The following GRIK2 variants were observed in gnomAD, a reference collection of about 807,000 sequenced individuals.
The protein encoded by GRIK2 is glutamate ionotropic receptor kainate type subunit 2, also known as glutamate receptor ionotropic, kainate 2.
Under a neutral mutation model 100.3 loss-of-function variants are expected in GRIK2, and 32 were observed. The ratio of observed to expected loss-of-function variants is 0.32; its 90% CI spans 0.24 to 0.43. The LOEUF (loss-of-function observed/expected upper bound fraction) is 0.43, where lower values mean the gene tolerates loss of function less well. Ranked by LOEUF, GRIK2 falls within the 20% of genes least tolerant of loss-of-function variation. The probability of loss-of-function intolerance (pLI) is 1.00; values close to 1 mark genes in which losing one functional copy is unlikely to be tolerated. For synonymous variants in GRIK2, 417 were observed against 389.4 expected (o/e 1.07, Z -0.83); for missense variants, 843 against 1,114.9 (o/e 0.76, Z 3.47).
chr6:101,598,027 G>C (rs916381158), intron 2 of GRIK2, among the ~76,000 whole-genome samples: 1 of 151,676 alleles, frequency 6.6e-6, no homozygotes, highest in Non-Finnish European at 1.5e-5. Context: ...CCCACACAAA[G>C]ACATCAGTTA....
intron 2 of GRIK2, among the ~76,000 whole-genome samples, chr6:101,564,319 A>C (rs1777154329): frequency 6.6e-6 from 1 of 152,216 alleles, no homozygotes; most frequent in Non-Finnish European, 1.5e-5. Context: ...CTCTTTGAAC[A>C]CTTCTGTAAA....
chr6:101,566,254 A>G (rs1582730183), intron 2 of GRIK2, among the ~76,000 whole-genome samples: 1 of 151,986 alleles, frequency 6.6e-6, no homozygotes, highest in African/African-American at 2.4e-5. Context: ...GTGTGATCAT[A>G]ATACATATGA....
At chr6:101,871,027 A>G (rs1286846226) in intron 11 of GRIK2, among the ~76,000 whole-genome samples, 1 of 151,888 alleles carries the variant, frequency 6.6e-6, no homozygotes, top group Admixed American at 6.6e-5. Flanking sequence ...CGTACTTCAA[A>G]TGAGATTTGA....
At chr6:101,518,526 CAGAT>C (rs147510777) in intron 2 of GRIK2, among the ~76,000 whole-genome samples, 14,384 of 152,016 alleles carry the variant, frequency 0.095, 753 homozygotes, top group Admixed American at 0.14. Context: ...CTATGTGAAA[CAGAT>C]AGTAATATTA....
At chr6:101,925,919 G>T (rs1789858343) in intron 13 of GRIK2, among the ~76,000 whole-genome samples, 1 of 151,830 alleles carries the variant, frequency 6.6e-6, no homozygotes, top group Non-Finnish European at 1.5e-5. Context: ...ATAACTACAT[G>T]TCAAAAGAAA....
chr6:101,941,701 A>T (rs1191186687), intron 14 of GRIK2, among the ~76,000 whole-genome samples: 1 of 152,172 alleles, frequency 6.6e-6, no homozygotes, highest in Non-Finnish European at 1.5e-5. Context: ...TTAGTTTGTT[A>T]CAAAGTTGTA....
At chr6:101,707,576 ATG>A (rs56168617) in intron 7 of GRIK2, among the ~76,000 whole-genome samples, 87,969 of 125,110 alleles carry the variant, frequency 0.7, 30,912 homozygotes, top group Non-Finnish European at 0.77. Context: ...ATATATGTGT[ATG>A]TGTGTGTGTG....
chr6:102,058,159 G>T (rs950989925), intron 16 of GRIK2, among the ~76,000 whole-genome samples: 2 of 151,686 alleles, frequency 1.3e-5, no homozygotes, highest in African/African-American at 4.8e-5. Context: ...TTCACGCTGC[G>T]AACCCCTAAG....
intron 2 of GRIK2, among the ~76,000 whole-genome samples, chr6:101,471,960 T>C (rs1771969116): frequency 6.6e-6 from 1 of 151,384 alleles, no homozygotes; most frequent in Non-Finnish European, 1.5e-5. Flanking sequence ...TGTCCATAAA[T>C]TTTTTTCTTC....
chr6:101,986,691 A>T (rs1031507305), intron 14 of GRIK2, among the ~76,000 whole-genome samples: 42 of 151,960 alleles, frequency 2.8e-4, no homozygotes, highest in African/African-American at 9.4e-4. Context: ...TTATGTCTAC[A>T]CCTGATTATG....
At chr6:101,722,461 T>C (rs1480107767) in intron 7 of GRIK2, among the ~76,000 whole-genome samples, 11 of 152,104 alleles carry the variant, frequency 7.2e-5, no homozygotes, top group Non-Finnish European at 5.9e-5. Flanking sequence ...CTTACGTCTT[T>C]CACAATTTTT....
intron 16 of GRIK2, among the ~76,000 whole-genome samples, chr6:102,065,404 G>A (rs1247635904): frequency 6.6e-6 from 1 of 151,262 alleles, no homozygotes; most frequent in Admixed American, 6.6e-5. Context: ...GTAGTCTGAA[G>A]TAAGTATGGG....
Position 101,966,522 on chromosome 6 carries a change from C to A in GRIK2, c.2085+37890C>A, listed in dbSNP as rs1196444773. 2.6e-5 allele frequency among the ~76,000 whole-genome samples: 4 copies of A among 152,148 alleles called. No homozygotes were observed. The East Asian group carries it at 7.7e-4, about 29-fold the overall frequency. On this transcript the variant is annotated intron_variant, in intron 14 of 16. Transcript: ENST00000369134. ...ATTCTAATTAATTATTTGTTCAGAT[C>A]TTAACTTTTATAACAGGATATGTTG... is the stretch of plus-strand genomic sequence containing the variant.
chr6:101,519,584 A>G (rs1162469251), intron 2 of GRIK2, among the ~76,000 whole-genome samples: 1 of 151,996 alleles, frequency 6.6e-6, no homozygotes, highest in Non-Finnish European at 1.5e-5. Flanking sequence ...ATATTTTCTA[A>G]TTAAGTCCCA....
intron 4 of GRIK2, among the ~76,000 whole-genome samples, chr6:101,664,967 C>T (rs971933848): frequency 6.6e-6 from 1 of 152,174 alleles, no homozygotes; most frequent in Non-Finnish European, 1.5e-5. Context: ...GATTCAATTA[C>T]CTCCCACTGG....
chr6:101,559,167 A>G (rs1435787499), intron 2 of GRIK2, among the ~76,000 whole-genome samples: 1 of 152,106 alleles, frequency 6.6e-6, no homozygotes, highest in Non-Finnish European at 1.5e-5. Context: ...TAAGTATTTT[A>G]ATGATTATTT....
intron 14 of GRIK2, among the ~76,000 whole-genome samples, chr6:102,032,341 A>G (rs766890388): frequency 6.6e-6 from 1 of 151,238 alleles, no homozygotes; most frequent in Non-Finnish European, 1.5e-5. Flanking sequence ...AAGAATTTAC[A>G]ATTACAAGAA....
chr6:101,888,455 TTTTA>T (rs141463780), intron 11 of GRIK2, among the ~76,000 whole-genome samples: 2 of 152,284 alleles, frequency 1.3e-5, no homozygotes, highest in African/African-American at 2.4e-5. Flanking sequence ...TAAATTGATA[TTTTA>T]TTTGATTTAT....
At chr6:101,579,465 TTCTC>T (rs1049758716) in intron 2 of GRIK2, among the ~76,000 whole-genome samples, 16 of 151,778 alleles carry the variant, frequency 1.1e-4, no homozygotes, top group South Asian at 2.1e-4. Flanking sequence ...TTCTTTCGCT[TTCTC>T]TCTTTTTTCT....
Sources: gnomAD v4.1 joint callset for allele counts (sites outside exome capture counted in the v4.1 genomes callset) on GRCh38, gnomAD v4.1.1 for gene constraint, MANE v1.5 for transcripts, NCBI Gene and HGNC (gene_info 2026-07-23, HGNC 2026-07-21) for gene names.